The following CCDC126 variants were observed in gnomAD, a reference collection of about 807,000 sequenced individuals.
CCDC126 encodes the protein coiled-coil domain containing 126, also known as coiled-coil domain-containing protein 126.
In CCDC126, 5 loss-of-function variants were observed where a neutral mutation model predicts 11.7. That is an observed-to-expected ratio of 0.43 (90% CI 0.22 to 0.90). CCDC126 has a LOEUF of 0.90. CCDC126 is among the 40% of genes least tolerant of loss of function. The pLI, the probability that CCDC126 is intolerant of heterozygous loss-of-function variation, is 0.27. For synonymous variants in CCDC126, 60 were observed against 61.9 expected, an observed-to-expected ratio of 0.97 and a Z score of 0.14; for missense variants, 150 against 163.1, an observed-to-expected ratio of 0.92 and a Z score of 0.44.
chr7:23,625,931 A>G (rs1009468861), intron 3 of CCDC126, among the ~76,000 whole-genome samples: 6 of 152,066 alleles, frequency 3.9e-5, no homozygotes, highest in African/African-American at 1.4e-4. Context: ...TGCTGGGGTT[A>G]CAGGCTTGAG....
intron 2 of CCDC126, among the ~76,000 whole-genome samples, chr7:23,605,050 A>G (rs1584193333): frequency 6.6e-6 from 1 of 151,758 alleles, no homozygotes; most frequent in Admixed American, 6.6e-5. Flanking sequence ...CTAGAGTGGG[A>G]TAGGAATTGG....
chr7:23,624,774 G>C (rs1056292167), intron 3 of CCDC126, among the ~76,000 whole-genome samples: 1 of 152,170 alleles, frequency 6.6e-6, no homozygotes, highest in Admixed American at 6.5e-5. Context: ...TTTTCACTAA[G>C]TTACTGTAAA....
chr7:23,635,487 G>A (rs1783193889), intron 3 of CCDC126, among the ~76,000 whole-genome samples: 1 of 152,210 alleles, frequency 6.6e-6, no homozygotes, highest in South Asian at 2.1e-4. Flanking sequence ...ACATAAAATT[G>A]TATTGTGAAT....
At chr7:23,628,363 A>G (rs1783049206) in intron 3 of CCDC126, among the ~76,000 whole-genome samples, 1 of 152,208 alleles carries the variant, frequency 6.6e-6, no homozygotes. Flanking sequence ...GAAGTCAGCA[A>G]CCTAGATACT....
intron 3 of CCDC126, among the ~76,000 whole-genome samples, chr7:23,614,825 C>T (rs931022357): frequency 6.6e-6 from 1 of 152,154 alleles, no homozygotes; most frequent in African/African-American, 2.4e-5. Context: ...AACAGTAGGT[C>T]TTAGTGGGCT....
intron 2 of CCDC126, among the ~76,000 whole-genome samples, chr7:23,599,957 G>A (rs1236336199): frequency 6.6e-6 from 1 of 151,890 alleles, no homozygotes; most frequent in Non-Finnish European, 1.5e-5. Context: ...GCTAATTTTT[G>A]TATTTTTAGT....
At chr7:23,624,590 T>C (rs1465682088) in intron 3 of CCDC126, among the ~76,000 whole-genome samples, 2 of 152,250 alleles carry the variant, frequency 1.3e-5, no homozygotes, top group African/African-American at 4.8e-5. Context: ...ATATGGTGTC[T>C]GTTATAATAA....
At chr7:23,604,767 C>T (rs997788460) in intron 2 of CCDC126, among the ~76,000 whole-genome samples, 5 of 151,886 alleles carry the variant, frequency 3.3e-5, no homozygotes, top group African/African-American at 9.7e-5. Flanking sequence ...GAGGCTGAGG[C>T]GGGTGGATCA....
intron 3 of CCDC126, among the ~76,000 whole-genome samples, chr7:23,616,512 T>C (rs1359147012): frequency 6.6e-6 from 1 of 152,212 alleles, no homozygotes. Flanking sequence ...AAGATCTTTT[T>C]CCCCTCAACC....
intron 3 of CCDC126, among the ~76,000 whole-genome samples, chr7:23,623,590 T>A (rs2128018713): frequency 8.7e-6 from 1 of 115,542 alleles, no homozygotes; most frequent in African/African-American, 2.9e-5. Flanking sequence ...AGTGAGACTG[T>A]CTCAAAAAAA....
Position 23,598,855 on chromosome 7 carries a change from G to C in CCDC126, c.-146+804G>C, listed in dbSNP as rs530240928. ...CTCTGTCACTATCTGTGTAACCTGA[G>C]ATTACTTTGTGGTCCTCAATGTCCT... On this transcript the variant is annotated intron_variant, in intron 2 of 3. Coordinates refer to ENST00000307471, the MANE Select transcript of CCDC126 (RefSeq NM_138771.4). 3.3e-5 allele frequency among the ~76,000 whole-genome samples: 5 copies of C among 152,334 alleles called. No homozygotes were observed. In the South Asian group the frequency reaches 1.0e-3, roughly 32 times the overall value.
chr7:23,613,727 A>G (rs537645004), intron 3 of CCDC126, among the ~76,000 whole-genome samples: 2 of 152,208 alleles, frequency 1.3e-5, no homozygotes, highest in Non-Finnish European at 2.9e-5. Flanking sequence ...TTATTGAGCC[A>G]TATAAAGGCA....
chr7:23,624,719 C>G (rs1241379600), intron 3 of CCDC126, among the ~76,000 whole-genome samples: 1 of 152,162 alleles, frequency 6.6e-6, no homozygotes, highest in Non-Finnish European at 1.5e-5. Context: ...TTATTTTGAA[C>G]AAAAATGGCA....
chr7:23,639,628 T>C (rs1783318748), intron 3 of CCDC126, among the ~76,000 whole-genome samples: 1 of 152,262 alleles, frequency 6.6e-6, no homozygotes, highest in Non-Finnish European at 1.5e-5. Flanking sequence ...TTTTCTTGTA[T>C]ATTCCCTTTA....
intron 3 of CCDC126, among the ~76,000 whole-genome samples, chr7:23,618,538 ATTTTTTTTT>A (rs5741645): frequency 8.4e-6 from 1 of 119,620 alleles, no homozygotes; most frequent in Non-Finnish European, 1.7e-5. Context: ...GATCAGCTAA[ATTTTTTTTT>A]TTTTTTTTTT....
chr7:23,622,722 C>A lies in CCDC126; in HGVS notation c.238+11169C>A, dbSNP rs1584206310. 5.7e-6 allele frequency: 3 copies of A among 524,642 alleles called. No individual in the cohort carries two copies. The East Asian group carries it at 1.6e-4, about 28-fold the overall frequency. The allele number at this position is 524,642 out of a possible 1,614,324, so 32.5% of individuals were successfully genotyped here. On this transcript the variant is annotated intron_variant, in intron 3 of 3. Transcript: ENST00000307471. Reference sequence around the variant, plus strand: ...GCTCAGCATAAATGTTACATTGTGGCCACAGTTGACCCTTAAGATTCCTGG... The same window carrying A: ...GCTCAGCATAAATGTTACATTGTGGACACAGTTGACCCTTAAGATTCCTGG...
At chr7:23,641,105 T>C (rs1783348902) in intron 3 of CCDC126, among the ~76,000 whole-genome samples, 1 of 151,576 alleles carries the variant, frequency 6.6e-6, no homozygotes, top group South Asian at 2.1e-4. Context: ...CCACAGCAGC[T>C]GCACCATTTT....
chr7:23,622,839 A>G (rs1273168608), intron 3 of CCDC126: 2 of 412,164 alleles, frequency 4.9e-6, no homozygotes, highest in East Asian at 1.2e-4. Context: ...CTTACAAGAC[A>G]CAATTCCTCT....
intron 3 of CCDC126, among the ~76,000 whole-genome samples, chr7:23,623,093 C>T (rs893855864): frequency 3.3e-5 from 5 of 150,432 alleles, no homozygotes; most frequent in African/African-American, 1.2e-4. Context: ...CCTGCCTTAG[C>T]CTCCCAACTG....
Sources: allele counts gnomAD v4.1 joint callset (sites outside exome capture counted in the v4.1 genomes callset), GRCh38; gene constraint gnomAD v4.1.1; transcripts MANE v1.5; gene names NCBI Gene and HGNC (gene_info 2026-07-23, HGNC 2026-07-21).